RELN: variants seen among roughly 807,000 people sequenced by gnomAD.
The protein encoded by RELN is reelin.
In RELN, 108 loss-of-function variants were observed where a neutral mutation model predicts 427.6. The ratio of observed to expected loss-of-function variants is 0.25; its 90% CI spans 0.22 to 0.30. The LOEUF (loss-of-function observed/expected upper bound fraction) is 0.30. RELN is among the 10% of genes least tolerant of loss of function. The pLI, the probability that RELN is intolerant of heterozygous loss-of-function variation, is 1.00. For synonymous variants in RELN, 1,524 were observed against 1,513.4 expected, an observed-to-expected ratio of 1.01 and a Z score of -0.16; for missense variants, 3,715 against 4,302.8, an observed-to-expected ratio of 0.86 and a Z score of 3.82.
chr7:103,687,005 G>A (rs776855849), intron 10 of RELN, among the ~76,000 whole-genome samples: 29 of 152,132 alleles, frequency 1.9e-4, no homozygotes, highest in Non-Finnish European at 4.1e-4. Flanking sequence ...CAACCATGGT[G>A]AGTGAATTTT....
chr7:103,790,895 G>A (rs1255218548), intron 3 of RELN, among the ~76,000 whole-genome samples: 1 of 152,070 alleles, frequency 6.6e-6, no homozygotes, highest in Admixed American at 6.6e-5. Context: ...CTGGGAGGCG[G>A]AGGTTGCAGT....
chr7:103,961,651 A>G (rs1418575002), intron 1 of RELN, among the ~76,000 whole-genome samples: 1 of 152,190 alleles, frequency 6.6e-6, no homozygotes, highest in African/African-American at 2.4e-5. Context: ...TTGTGAGTCT[A>G]GGCTTTAGAA....
chr7:103,587,134 A>G (rs902278059), intron 28 of RELN, among the ~76,000 whole-genome samples: 10 of 152,228 alleles, frequency 6.6e-5, no homozygotes, highest in Non-Finnish European at 1.3e-4. Flanking sequence ...AAATTATGCT[A>G]CAAAGCAATA....
At chr7:103,474,257 A>G (rs957671039) in intron 64 of RELN, among the ~76,000 whole-genome samples, 2 of 152,166 alleles carry the variant, frequency 1.3e-5, no homozygotes, top group Admixed American at 1.3e-4. Flanking sequence ...ATCAAAAAGC[A>G]ATAGCATCTG....
At chr7:103,914,637 AAGAAGG>A (rs1795444031) in intron 2 of RELN, among the ~76,000 whole-genome samples, 1 of 152,092 alleles carries the variant, frequency 6.6e-6, no homozygotes, top group Non-Finnish European at 1.5e-5. Context: ...GCATCTTATG[AAGAAGG>A]TAACCTTATC....
chr7:103,509,827 G>A (rs538950223), intron 51 of RELN, among the ~76,000 whole-genome samples: 67 of 151,928 alleles, frequency 4.4e-4, no homozygotes, highest in Non-Finnish European at 8.1e-4. Context: ...AAAAGTGGTC[G>A]AAGGATATGA....
chr7:103,878,178 C>T (rs1794528045), intron 2 of RELN, among the ~76,000 whole-genome samples: 1 of 151,838 alleles, frequency 6.6e-6, no homozygotes, highest in Admixed American at 6.6e-5. Flanking sequence ...TTTAAAACAC[C>T]ACTCTCTTAC....
At position 103,582,782 on chromosome 7, in the gene RELN, C is replaced by T. The variant is rs538498424; in HGVS notation, c.4145+6814G>A. ...CTCCAAGAACTTTATGAATAAGACA[C>T]GTCTATAGATTGTTAAGCTTTTACC... On this transcript the variant is annotated intron_variant, in intron 28 of 64. Coordinates refer to ENST00000428762, the MANE Select transcript of RELN (RefSeq NM_005045.4). Among the ~76,000 whole-genome samples, 17 of 152,294 alleles carry T rather than the reference C, an allele frequency of 1.1e-4. No individual in the cohort carries two copies. In the South Asian group the frequency reaches 3.3e-3, roughly 30 times the overall value.
At chr7:103,682,375 A>T (rs778641498) in intron 10 of RELN, 114 bp from the exon 11 acceptor site, 64 of 1,056,468 alleles carry the variant, frequency 6.1e-5, no homozygotes, top group Non-Finnish European at 8.9e-5. Flanking sequence ...CTCCTCTATG[A>T]TGGACTCTCA....
At chr7:103,579,071 T>C (rs1225789918) in intron 28 of RELN, among the ~76,000 whole-genome samples, 1 of 152,192 alleles carries the variant, frequency 6.6e-6, no homozygotes, top group Admixed American at 6.5e-5. Context: ...AGTAATACCA[T>C]GAGGAGCAAA....
At chr7:103,720,666 A>G (rs1790054103) in intron 8 of RELN, among the ~76,000 whole-genome samples, 1 of 152,166 alleles carries the variant, frequency 6.6e-6, no homozygotes, top group Admixed American at 6.6e-5. Context: ...GAGTATAAAT[A>G]AAATGGCTAT....
Position 103,752,951 on chromosome 7 carries a change from T to C in RELN, c.577+231A>G, listed in dbSNP as rs143105342. Among the ~76,000 whole-genome samples, 91 of 152,228 alleles carry C rather than the reference T, an allele frequency of 6.0e-4. 2 individuals carry two copies. Among genetic ancestry groups the C allele is most frequent in the African/African-American group, 2.2e-3 (90 of 41,526 alleles). On this transcript the variant is annotated intron_variant, in intron 5 of 64. Transcript: ENST00000428762. Reference sequence around the variant, plus strand: ...CTCAATAGGATCTCAGGGCTGAGGGTACTAACAGGTGTGAAAGTTCCTGCA... The same window carrying C: ...CTCAATAGGATCTCAGGGCTGAGGGCACTAACAGGTGTGAAAGTTCCTGCA...
chr7:103,643,667 A>T (rs773020284), intron 16 of RELN, among the ~76,000 whole-genome samples: 5 of 152,076 alleles, frequency 3.3e-5, no homozygotes, highest in African/African-American at 4.8e-5. Context: ...TTATCTGTAA[A>T]GAAAATTCCA....
chr7:103,980,671 T>C (rs1490675320), intron 1 of RELN, among the ~76,000 whole-genome samples: 1 of 152,182 alleles, frequency 6.6e-6, no homozygotes, highest in African/African-American at 2.4e-5. Flanking sequence ...ACCTTCCTCA[T>C]GAGGATTTTG....
intron 3 of RELN, among the ~76,000 whole-genome samples, chr7:103,825,758 G>C (rs901167754): frequency 6.6e-6 from 1 of 152,036 alleles, no homozygotes; most frequent in Non-Finnish European, 1.5e-5. Flanking sequence ...AAATGTGGCT[G>C]GTACAACTGA....
intron 8 of RELN, among the ~76,000 whole-genome samples, chr7:103,721,262 C>G (rs767301602): frequency 6.6e-6 from 1 of 151,752 alleles, no homozygotes; most frequent in Non-Finnish European, 1.5e-5. Context: ...CTCTCTCTCT[C>G]TCTCTCTCTT....
intron 2 of RELN, among the ~76,000 whole-genome samples, chr7:103,883,874 T>G (rs1179134498): frequency 6.6e-6 from 1 of 152,186 alleles, no homozygotes; most frequent in East Asian, 1.9e-4. Context: ...AATTTATAGA[T>G]GCAACACTAT....
At chr7:103,657,422 T>A (rs1264456115) in intron 12 of RELN, among the ~76,000 whole-genome samples, 2 of 151,980 alleles carry the variant, frequency 1.3e-5, no homozygotes, top group Non-Finnish European at 2.9e-5. Flanking sequence ...ATATTTATAA[T>A]TATATATTAA....
At chr7:103,667,212 A>C (rs1313720039) in intron 11 of RELN, among the ~76,000 whole-genome samples, 1 of 152,172 alleles carries the variant, frequency 6.6e-6, no homozygotes, top group Non-Finnish European at 1.5e-5. Context: ...GCTGATTACT[A>C]TTAGCAATGA....
Sources: allele counts gnomAD v4.1 joint callset (sites outside exome capture counted in the v4.1 genomes callset), GRCh38; gene constraint gnomAD v4.1.1; transcripts MANE v1.5; gene names NCBI Gene and HGNC (gene_info 2026-07-23, HGNC 2026-07-21).